TMC1: variants seen among roughly 807,000 people sequenced by gnomAD.
The protein encoded by TMC1 is transmembrane channel like 1.
A neutral mutation model predicts 105.8 loss-of-function variants in TMC1; 84 were observed. The observed-to-expected ratio is 0.79, with a 90% CI of 0.67 to 0.95. TMC1 has a LOEUF of 0.95. Among genes scored for constraint, TMC1 ranks in the 40% least tolerant of loss-of-function variants. TMC1 has a pLI of 0.00. For synonymous variants in TMC1, 315 were observed against 311.5 expected, an observed-to-expected ratio of 1.01 and a Z score of -0.12; for missense variants, 817 against 914.1, an observed-to-expected ratio of 0.89 and a Z score of 1.37.
At chr9:72,654,591 G>A (rs951358086) in intron 5 of TMC1, among the ~76,000 whole-genome samples, 1 of 151,860 alleles carries the variant, frequency 6.6e-6, no homozygotes, top group Non-Finnish European at 1.5e-5. Context: ...ATATGTTTTA[G>A]GAACCTTACA....
At chr9:72,638,013 G>A (rs760567744) in intron 4 of TMC1, among the ~76,000 whole-genome samples, 8 of 151,926 alleles carry the variant, frequency 5.3e-5, no homozygotes, top group East Asian at 1.9e-4. Flanking sequence ...TGCTGAAGCC[G>A]TGTAGATCTT....
chr9:72,826,856 T>C lies in TMC1; in HGVS notation c.2004-13T>C. On this transcript the variant is annotated splice_polypyrimidine_tract_variant and intron_variant, in intron 20 of 23. Coordinates refer to ENST00000297784, the MANE Select transcript of TMC1 (RefSeq NM_138691.3). ...TCTTAATAAACTTATCTCCCCCTTT[T>C]TAATTCCCCCAGTGGCAAAAATAGA... 1 of 1,613,826 alleles carries C rather than the reference T, an allele frequency of 6.2e-7. No homozygotes were observed. Among genetic ancestry groups the C allele is most frequent in the Non-Finnish European group, 8.5e-7 (1 of 1,179,746 alleles).
intron 18 of TMC1, among the ~76,000 whole-genome samples, chr9:72,807,498 A>G (rs1199652223): frequency 3.9e-5 from 6 of 152,126 alleles, no homozygotes; most frequent in Non-Finnish European, 7.3e-5. Context: ...AAAGCAATGG[A>G]CCTCAACTTG....
chr9:72,660,531 T>G (rs1001280405), intron 5 of TMC1, among the ~76,000 whole-genome samples: 1 of 152,322 alleles, frequency 6.6e-6, no homozygotes, highest in Admixed American at 6.5e-5. Context: ...TGCACAAAAA[T>G]TTTTTCAGAG....
chr9:72,532,541 C>CAAAAAAAAAAAAAAAAAAAAAAAAAA (rs59010604), intron 1 of TMC1, among the ~76,000 whole-genome samples: 2 of 75,526 alleles, frequency 2.6e-5, no homozygotes, highest in African/African-American at 4.7e-5. Context: ...GACTCCGTCT[C>CAAAAAAAAAAAAAAAAAAAAAAAAAA]AAAAAAAAAA....
chr9:72,547,494 T>C (rs1165501799), intron 1 of TMC1, among the ~76,000 whole-genome samples: 5 of 152,198 alleles, frequency 3.3e-5, no homozygotes, highest in Non-Finnish European at 5.9e-5. Flanking sequence ...AGTTTCAGCA[T>C]TGCCATGTCC....
At chr9:72,636,907 G>A (rs1825543677) in intron 4 of TMC1, among the ~76,000 whole-genome samples, 1 of 151,984 alleles carries the variant, frequency 6.6e-6, no homozygotes, top group African/African-American at 2.4e-5. Flanking sequence ...TTGGTGTTGT[G>A]GGCAGATGAC....
At chr9:72,574,088 C>T (rs1824334250) in intron 1 of TMC1, among the ~76,000 whole-genome samples, 1 of 152,200 alleles carries the variant, frequency 6.6e-6, no homozygotes, top group African/African-American at 2.4e-5. Flanking sequence ...TAATAGCCTC[C>T]AGCTCCATCC....
chr9:72,799,180 G>A (rs1034531499), intron 17 of TMC1, among the ~76,000 whole-genome samples: 4 of 152,002 alleles, frequency 2.6e-5, no homozygotes, highest in Admixed American at 6.5e-5. Flanking sequence ...TATTCCTAAC[G>A]TGCAGTCCAT....
intron 1 of TMC1, among the ~76,000 whole-genome samples, chr9:72,566,186 A>G (rs1256976395): frequency 6.6e-6 from 1 of 151,972 alleles, no homozygotes; most frequent in Non-Finnish European, 1.5e-5. Flanking sequence ...ATGCCCAACT[A>G]ATGTTTTGTT....
At chr9:72,724,176 T>C (rs1827077964) in intron 8 of TMC1, among the ~76,000 whole-genome samples, 1 of 152,212 alleles carries the variant, frequency 6.6e-6, no homozygotes, top group Non-Finnish European at 1.5e-5. Context: ...GCTGCTGTAA[T>C]AGAATATCAC....
At chr9:72,594,786 A>C (rs1299377077) in intron 2 of TMC1, among the ~76,000 whole-genome samples, 1 of 152,024 alleles carries the variant, frequency 6.6e-6, no homozygotes, top group Non-Finnish European at 1.5e-5. Context: ...GGCATGCTAC[A>C]ATTCGAAAAG....
chr9:72,609,546 TAACAACAAC>T (rs150138221), intron 2 of TMC1, among the ~76,000 whole-genome samples: 9 of 151,218 alleles, frequency 6.0e-5, no homozygotes, highest in Non-Finnish European at 5.9e-5. Flanking sequence ...TGTCTCAAAA[TAACAACAAC>T]AACAAAAACA....
chr9:72,742,039 TTTTG>T (rs888273791), intron 9 of TMC1, among the ~76,000 whole-genome samples: 3 of 152,132 alleles, frequency 2.0e-5, no homozygotes, highest in East Asian at 1.9e-4. Context: ...ATAAAATTTA[TTTTG>T]TTTATTATTT....
At chr9:72,768,817 C>T (rs917479559) in intron 12 of TMC1, among the ~76,000 whole-genome samples, 3 of 152,070 alleles carry the variant, frequency 2.0e-5, no homozygotes, top group Non-Finnish European at 2.9e-5. Flanking sequence ...ATGATATTTT[C>T]GGTGTGTCTT....
intron 3 of TMC1, among the ~76,000 whole-genome samples, chr9:72,622,804 AC>A (rs1468738344): frequency 6.6e-6 from 1 of 151,860 alleles, no homozygotes; most frequent in African/African-American, 2.4e-5. Flanking sequence ...TAATCCCAGC[AC>A]TTTGGGAGGC....
In TMC1 at chr9:72,671,402, C is replaced by T. The variant is rs368121828; in HGVS notation, c.17-17307C>T. Among the ~76,000 whole-genome samples, 81 of 152,308 alleles carry T rather than the reference C, an allele frequency of 5.3e-4. No homozygotes were observed. In the South Asian group the frequency reaches 0.017, roughly 31 times the overall value. ...CTTCTGCAGTTTTCTCAAATTCATA[C>T]AGCTTAAAATATTTAACATGCTAAG... is the stretch of plus-strand genomic sequence containing the variant. On this transcript the variant is annotated intron_variant, in intron 5 of 23. Coordinates refer to ENST00000297784, the MANE Select transcript of TMC1 (RefSeq NM_138691.3).
At chr9:72,789,465 C>A in intron 15 of TMC1, 148 bp downstream of exon 15, 1 of 702,316 alleles carries the variant, frequency 1.4e-6, no homozygotes, top group Non-Finnish European at 2.5e-6. Context: ...TGCTCATTTT[C>A]CATTCTATTC....
chr9:72,788,576 A>G, intron 14 of TMC1, 93 bp downstream of exon 14: 2 of 1,307,094 alleles, frequency 1.5e-6, no homozygotes, highest in Non-Finnish European at 2.2e-6. Context: ...TATCTTGACA[A>G]TTTACATGAA....
Sources: allele counts gnomAD v4.1 joint callset (sites outside exome capture counted in the v4.1 genomes callset), GRCh38; gene constraint gnomAD v4.1.1; transcripts MANE v1.5; gene names NCBI Gene and HGNC (gene_info 2026-07-23, HGNC 2026-07-21).